SCFD2: variants seen among roughly 807,000 people sequenced by gnomAD.
SCFD2 encodes the protein sec1 family domain containing 2.
SCFD2 carries 54 observed loss-of-function variants against 58.9 expected under a neutral mutation model. The ratio of observed to expected loss-of-function variants is 0.92; its 90% confidence interval spans 0.74 to 1.15. The LOEUF (loss-of-function observed/expected upper bound fraction) is 1.15, where lower values mean the gene tolerates loss of function less well. SCFD2 is among the 50% of genes most tolerant of loss of function. The pLI is 0.00. For synonymous variants in SCFD2, 321 were observed against 335.9 expected, an observed-to-expected ratio of 0.96 and a Z score of 0.49; for missense variants, 805 against 836.6, an observed-to-expected ratio of 0.96 and a Z score of 0.47.
At chr4:53,160,406 T>A (rs767467540) in intron 4 of SCFD2, among the ~76,000 whole-genome samples, 8 of 152,224 alleles carry the variant, frequency 5.3e-5, no homozygotes, top group Non-Finnish European at 1.0e-4. Flanking sequence ...TTGAATGTAA[T>A]GTGAACTGGT....
intron 5 of SCFD2, among the ~76,000 whole-genome samples, chr4:53,105,840 A>G (rs1724978723): frequency 6.6e-6 from 1 of 152,174 alleles, no homozygotes; most frequent in Non-Finnish European, 1.5e-5. Context: ...TGCTCTGCTA[A>G]GGGACAGACT....
intron 4 of SCFD2, among the ~76,000 whole-genome samples, chr4:53,183,196 C>G (rs372723022): frequency 6.6e-6 from 1 of 152,208 alleles, no homozygotes; most frequent in South Asian, 2.1e-4. Flanking sequence ...TAAAGACACA[C>G]GCACACGTAT....
At chr4:52,986,821 T>A (rs553258052) in intron 5 of SCFD2, among the ~76,000 whole-genome samples, 2 of 151,650 alleles carry the variant, frequency 1.3e-5, no homozygotes, top group South Asian at 4.2e-4. Flanking sequence ...AGTACCTAAT[T>A]TAAGTTTTTA....
intron 5 of SCFD2, among the ~76,000 whole-genome samples, chr4:53,085,443 A>G (rs1257236774): frequency 2.6e-5 from 4 of 152,310 alleles, no homozygotes; most frequent in Middle Eastern, 6.8e-3. Flanking sequence ...CAATATTGTT[A>G]GTATGTCCAT....
intron 4 of SCFD2, among the ~76,000 whole-genome samples, chr4:53,237,479 C>G (rs1240965219): frequency 1.5e-5 from 1 of 68,610 alleles, no homozygotes; most frequent in East Asian, 4.6e-4. Context: ...GGCTGACCCC[C>G]CCACCTCCCT....
chr4:52,918,803 C>T (rs568000680), intron 6 of SCFD2, among the ~76,000 whole-genome samples: 4 of 152,188 alleles, frequency 2.6e-5, no homozygotes, highest in Non-Finnish European at 4.4e-5. Flanking sequence ...CCCCAAGAAG[C>T]GGACCTTGGG....
rs1274486741 is a variant in SCFD2, at chr4:53,303,769, G to C, written c.1135+9867C>G. On this transcript the variant is annotated intron_variant, in intron 3 of 8. Coordinates refer to ENST00000401642, the MANE Select transcript of SCFD2 (RefSeq NM_152540.4). ...CATATACACCATGGAATACTATGCAGCCATAAAAAAGGATGAGTTCATGTC... is the reference window on the plus strand; with the variant it reads ...CATATACACCATGGAATACTATGCACCCATAAAAAAGGATGAGTTCATGTC... Among the ~76,000 whole-genome samples the C allele has an allele frequency of 2.0e-5, 3 of 151,972 alleles. No homozygotes were observed. In the East Asian group the frequency reaches 5.8e-4, roughly 29 times the overall value.
chr4:53,218,015 G>C (rs893716303), intron 4 of SCFD2, among the ~76,000 whole-genome samples: 5 of 152,208 alleles, frequency 3.3e-5, no homozygotes, highest in African/African-American at 1.2e-4. Context: ...GAGATCTGCT[G>C]TTACTCTGTT....
chr4:53,103,839 T>C (rs2148877813), intron 5 of SCFD2, among the ~76,000 whole-genome samples: 1 of 137,918 alleles, frequency 7.3e-6, no homozygotes, highest in South Asian at 2.3e-4. Flanking sequence ...CCGTAAGGGT[T>C]GACAACACAG....
chr4:52,895,582 T>C (rs886634565), intron 7 of SCFD2, among the ~76,000 whole-genome samples: 3 of 152,308 alleles, frequency 2.0e-5, no homozygotes, highest in Admixed American at 1.3e-4. Context: ...TGTTGGACAT[T>C]TGGGTTGGTT....
chr4:52,963,304 T>C (rs1560495179), intron 5 of SCFD2, among the ~76,000 whole-genome samples: 1 of 152,242 alleles, frequency 6.6e-6, no homozygotes, highest in Non-Finnish European at 1.5e-5. Flanking sequence ...TGTTTTCTCC[T>C]GATGCAACGT....
chr4:53,199,376 T>A lies in SCFD2; in HGVS notation c.1312-53794A>T, dbSNP rs1728157252. Among the ~76,000 whole-genome samples the A allele has an allele frequency of 3.9e-5, 6 of 152,060 alleles. No homozygotes were observed. The South Asian group carries it at 1.2e-3, about 31-fold the overall frequency. On this transcript the variant is annotated intron_variant, in intron 4 of 8. Coordinates refer to ENST00000401642, the MANE Select transcript of SCFD2 (RefSeq NM_152540.4). ...GGGGAGATGATTACAAACAACAGAG[T>A]ATGAACTTTGGGTTGTGTAGTATAA...
chr4:53,284,118 C>CAA (rs561985080), intron 3 of SCFD2, among the ~76,000 whole-genome samples: 74 of 82,202 alleles, frequency 9.0e-4, no homozygotes, highest in African/African-American at 1.8e-3. Flanking sequence ...GACTCCATCT[C>CAA]AAAAAAAAAA....
At chr4:53,129,726 G>A (rs532628074) in intron 5 of SCFD2, among the ~76,000 whole-genome samples, 2 of 152,272 alleles carry the variant, frequency 1.3e-5, no homozygotes, top group East Asian at 3.9e-4. Flanking sequence ...TAGAATGTGG[G>A]ACATAAATTC....
intron 5 of SCFD2, among the ~76,000 whole-genome samples, chr4:53,141,862 AC>A (rs972832716): frequency 2.6e-5 from 4 of 152,212 alleles, no homozygotes; most frequent in Middle Eastern, 3.4e-3. Flanking sequence ...TCAGAGAAAG[AC>A]CAATTTGCTT....
At position 52,972,244 on chromosome 4, in the gene SCFD2, C is replaced by T. The variant is rs557805380; in HGVS notation, c.1562-51374G>A. ...GGCAAATCGGATAAAGAGTCAAGAC[C>T]CATCAGTGTGCTGTATTCAGGAAAC... is the stretch of plus-strand genomic sequence containing the variant. On this transcript the variant is annotated intron_variant, in intron 5 of 8. Coordinates refer to ENST00000401642, the MANE Select transcript of SCFD2 (RefSeq NM_152540.4). Among the ~76,000 whole-genome samples, 143 of 152,174 alleles carry T rather than the reference C, an allele frequency of 9.4e-4. 1 individual carries two copies. Among genetic ancestry groups the T allele is most frequent in the Middle Eastern group, 6.8e-3 (2 of 294 alleles).
chr4:53,053,616 C>G (rs752450060), intron 5 of SCFD2, among the ~76,000 whole-genome samples: 3 of 152,076 alleles, frequency 2.0e-5, no homozygotes, highest in Non-Finnish European at 4.4e-5. Flanking sequence ...GGCTCTCCCT[C>G]AAGTTCTCTA....
At chr4:53,298,247 T>A (rs1732120941) in intron 3 of SCFD2, among the ~76,000 whole-genome samples, 1 of 152,140 alleles carries the variant, frequency 6.6e-6, no homozygotes, top group African/African-American at 2.4e-5. Flanking sequence ...ACTCCCACCC[T>A]AATACTGTGC....
chr4:52,914,738 T>C (rs1719563435), intron 6 of SCFD2, among the ~76,000 whole-genome samples: 1 of 152,238 alleles, frequency 6.6e-6, no homozygotes. Flanking sequence ...TGTTTTCATA[T>C]GTAATATTGA....
Sources: gnomAD v4.1 joint callset for allele counts (sites outside exome capture counted in the v4.1 genomes callset) on GRCh38, gnomAD v4.1.1 for gene constraint, MANE v1.5 for transcripts, NCBI Gene and HGNC (gene_info 2026-07-23, HGNC 2026-07-21) for gene names.